The following PCDH15 variants were observed in gnomAD, a reference collection of about 807,000 sequenced individuals.
PCDH15 encodes protocadherin-15.
Under a neutral mutation model 178.5 loss-of-function variants are expected in PCDH15, and 129 were observed. The ratio of observed to expected loss-of-function variants is 0.72; its 90% CI spans 0.63 to 0.84. The LOEUF is 0.84. Ranked by LOEUF, PCDH15 falls within the 40% of genes least tolerant of loss-of-function variation. PCDH15 has a pLI of 0.00. For synonymous variants in PCDH15, 800 were observed against 732.0 expected, an observed-to-expected ratio of 1.09 and a Z score of -1.50; for missense variants, 2,230 against 2,099.9, an observed-to-expected ratio of 1.06 and a Z score of -1.21.
At chr10:55,037,294 C>T (rs149647189) in intron 2 of PCDH15, among the ~76,000 whole-genome samples, 4,139 of 151,896 alleles carry the variant, frequency 0.027, 285 homozygotes, top group East Asian at 0.23. Flanking sequence ...AGTGCAGTGG[C>T]GTGATCTCGG....
intron 1 of PCDH15, among the ~76,000 whole-genome samples, chr10:55,237,828 T>C (rs1221847172): frequency 3.3e-5 from 5 of 151,452 alleles, no homozygotes; most frequent in Admixed American, 2.6e-4. Flanking sequence ...GTATTGGAAT[T>C]CAAAAAAAAA....
At chr10:54,334,302 C>T (rs1305240905) in intron 6 of PCDH15, among the ~76,000 whole-genome samples, 1 of 152,120 alleles carries the variant, frequency 6.6e-6, no homozygotes, top group Non-Finnish European at 1.5e-5. Flanking sequence ...GGGTAGGAGA[C>T]AGCTGTAACA....
At chr10:53,844,470 C>CA (rs1215222702) in intron 28 of PCDH15, among the ~76,000 whole-genome samples, 1 of 151,714 alleles carries the variant, frequency 6.6e-6, no homozygotes. Context: ...AAAGAAAACA[C>CA]AAAAAATCAA....
intron 3 of PCDH15, among the ~76,000 whole-genome samples, chr10:54,478,254 C>T (rs754616151): frequency 7.2e-5 from 11 of 151,946 alleles, no homozygotes; most frequent in African/African-American, 2.4e-4. Flanking sequence ...CAGGCATATG[C>T]AGATTTGGAT....
At position 55,052,810 on chromosome 10, in the gene PCDH15, G is replaced by A. The variant is rs2131989770; in HGVS notation, c.-80+113766C>T. Among the ~76,000 whole-genome samples the A allele has an allele frequency of 2.6e-5, 4 of 152,030 alleles. No homozygotes were observed. The Middle Eastern group carries it at 0.014, about 517-fold the overall frequency. Reference sequence around the variant, plus strand: ...TAGTGGCTCATCACAAATGATATTTGGACTATTTAATTATAGCAATTTAAT... The same window carrying A: ...TAGTGGCTCATCACAAATGATATTTAGACTATTTAATTATAGCAATTTAAT... On this transcript the variant is annotated intron_variant, in intron 2 of 5. Transcript: ENST00000458638.
At chr10:54,466,197 A>T (rs2077506385) in intron 3 of PCDH15, among the ~76,000 whole-genome samples, 1 of 151,352 alleles carries the variant, frequency 6.6e-6, no homozygotes, top group Non-Finnish European at 1.5e-5. Context: ...CTGTGCAGAA[A>T]TTTTTCTGTT....
Position 55,303,187 on chromosome 10 carries a change from T to C in PCDH15, c.-156+16412A>G, listed in dbSNP as rs1214324724. 5.3e-5 allele frequency among the ~76,000 whole-genome samples: 8 copies of C among 152,150 alleles called. No individual in the cohort carries two copies. The East Asian group carries it at 1.4e-3, about 26-fold the overall frequency. ...GTCCTATCATTTCTGTAAGTGATTA[T>C]GGGTCATAGCTAGTATTTATGACTA... On this transcript the variant is annotated intron_variant, in intron 1 of 5. Coordinates refer to the PCDH15 transcript ENST00000458638.
chr10:55,555,085 A>G (rs1213912527), intron 2 of PCDH15, among the ~76,000 whole-genome samples: 1 of 152,134 alleles, frequency 6.6e-6, no homozygotes, highest in East Asian at 1.9e-4. Flanking sequence ...TCTGTTTTGA[A>G]GACATTTTAA....
chr10:54,651,287 T>C (rs1472314616), intron 2 of PCDH15, among the ~76,000 whole-genome samples: 2 of 152,188 alleles, frequency 1.3e-5, no homozygotes, highest in Admixed American at 1.3e-4. Context: ...AATTGGTGTA[T>C]GTTGAGAAAT....
At chr10:54,543,262 G>A (rs552726251) in intron 2 of PCDH15, among the ~76,000 whole-genome samples, 1 of 152,260 alleles carries the variant, frequency 6.6e-6, no homozygotes, top group African/African-American at 2.4e-5. Context: ...AAGAAACCCC[G>A]GGATACAGAA....
intron 4 of PCDH15, among the ~76,000 whole-genome samples, chr10:54,373,847 A>T (rs1193431514): frequency 1.3e-5 from 2 of 152,068 alleles, no homozygotes; most frequent in Non-Finnish European, 2.9e-5. Flanking sequence ...AGCACATAAA[A>T]TTCAACTGAT....
chr10:54,984,730 C>A (rs1398536668), intron 2 of PCDH15, among the ~76,000 whole-genome samples: 1 of 152,026 alleles, frequency 6.6e-6, no homozygotes, highest in African/African-American at 2.4e-5. Flanking sequence ...CCCAACTACT[C>A]AAGAGGCCGA....
chr10:53,808,911 T>C (rs1251213945), intron 37 of PCDH15: 1 of 1,577,348 alleles, frequency 6.3e-7, no homozygotes, highest in African/African-American at 1.4e-5. Context: ...TATCTTGAGC[T>C]TCAGGGTCTG....
chr10:54,355,162 CTAAG>C (rs1474626946), intron 5 of PCDH15, among the ~76,000 whole-genome samples: 2 of 137,442 alleles, frequency 1.5e-5, no homozygotes, highest in African/African-American at 5.4e-5. Context: ...AAAACCTGCA[CTAAG>C]TATTTTAAAA....
chr10:55,416,567 A>G (rs1344370188), intron 2 of PCDH15, among the ~76,000 whole-genome samples: 1 of 151,666 alleles, frequency 6.6e-6, no homozygotes, highest in Non-Finnish European at 1.5e-5. Context: ...CAGGGGAATC[A>G]TCAAACTTGA....
In PCDH15 at chr10:53,806,974, A is replaced by C. The variant is rs1349163331; in HGVS notation, c.4828T>G (p.Ser1610Ala). 2.5e-6 allele frequency: 4 copies of C among 1,613,630 alleles called. No homozygotes were observed. In the African/African-American group the frequency reaches 5.3e-5, roughly 22 times the overall value. Residue 1610 changes from serine (S) to alanine (A), a missense_variant, in exon 38 of 38, where the codon TCT becomes GCT. By Grantham distance (99) the Ser-to-Ala change is moderately conservative (BLOSUM62 1). Coordinates refer to ENST00000644397, the MANE Select transcript of PCDH15 (RefSeq NM_001384140.1). ...CAGGCACGGCGGGTTCTCACCACAG[A>C]ACCATTCTGTGCAATATATATATTG... is the stretch of plus-strand genomic sequence containing the variant. ...NGNIYIAQNG[S>A]VVRTRRACLT...
At chr10:53,971,600 C>T (rs2089692561) in intron 21 of PCDH15, among the ~76,000 whole-genome samples, 1 of 152,130 alleles carries the variant, frequency 6.6e-6, no homozygotes, top group Non-Finnish European at 1.5e-5. Context: ...TCTCAGGATA[C>T]AAAATAAATG....
At chr10:54,321,515 G>C (rs2061604967) in intron 7 of PCDH15, among the ~76,000 whole-genome samples, 1 of 151,582 alleles carries the variant, frequency 6.6e-6, no homozygotes, top group African/African-American at 2.4e-5. Flanking sequence ...ATAAATGCCA[G>C]AGGCAATATT....
At chr10:55,236,475 A>G in intron 1 of PCDH15, among the ~76,000 whole-genome samples, 1 of 152,062 alleles carries the variant, frequency 6.6e-6, no homozygotes, top group Non-Finnish European at 1.5e-5. Flanking sequence ...GAGGTGAGCA[A>G]CAGGAAGTGT....
Sources: allele counts gnomAD v4.1 joint callset (sites outside exome capture counted in the v4.1 genomes callset), GRCh38; gene constraint gnomAD v4.1.1; transcripts MANE v1.5; gene names NCBI Gene and HGNC (gene_info 2026-07-23, HGNC 2026-07-21).